The following PAX5 variants were observed in gnomAD, a reference collection of about 807,000 sequenced individuals.
PAX5 encodes paired box protein Pax-5.
A neutral mutation model predicts 43.7 loss-of-function variants in PAX5; 9 were observed. The observed-to-expected ratio is 0.21, with a 90% confidence interval of 0.12 to 0.36. PAX5 has a LOEUF of 0.36. Ranked by LOEUF, PAX5 falls within the 10% of genes least tolerant of loss-of-function variation. The pLI, the probability that PAX5 is intolerant of heterozygous loss-of-function variation, is 1.00. For missense variants in PAX5, 383 were observed against 532.7 expected (o/e 0.72, Z 2.77); for synonymous variants, 228 against 214.3 (o/e 1.06, Z -0.56).
At chr9:37,033,482 C>A (rs1841196156) in intron 1 of PAX5, among the ~76,000 whole-genome samples, 1 of 152,170 alleles carries the variant, frequency 6.6e-6, no homozygotes, top group East Asian at 1.9e-4. Flanking sequence ...GATGTACACT[C>A]AGATATTTCC....
At chr9:37,009,555 G>T (rs1588216097) in intron 3 of PAX5, among the ~76,000 whole-genome samples, 2 of 152,074 alleles carry the variant, frequency 1.3e-5, no homozygotes, top group Non-Finnish European at 2.9e-5. Context: ...GGGCGGTGGG[G>T]GAGTAAAGAT....
chr9:36,991,798 A>G (rs1178934666), intron 5 of PAX5, among the ~76,000 whole-genome samples: 1 of 147,412 alleles, frequency 6.8e-6, no homozygotes, highest in Non-Finnish European at 1.5e-5. Context: ...CTCCCTCATC[A>G]CTTTCGTCCT....
intron 7 of PAX5, among the ~76,000 whole-genome samples, chr9:36,888,994 CT>C (rs1355071399): frequency 1.3e-5 from 2 of 152,186 alleles, no homozygotes; most frequent in African/African-American, 4.8e-5. Flanking sequence ...GAGCATGGGG[CT>C]TTCTTTGATA....
chr9:36,951,116 G>A (rs1227792370), intron 6 of PAX5, among the ~76,000 whole-genome samples: 2 of 152,132 alleles, frequency 1.3e-5, no homozygotes, highest in African/African-American at 4.8e-5. Flanking sequence ...AGGGAAGTAG[G>A]GTGGTAGGGT....
At chr9:36,898,816 C>T (rs183813713) in intron 7 of PAX5, among the ~76,000 whole-genome samples, 55 of 152,178 alleles carry the variant, frequency 3.6e-4, no homozygotes, top group African/African-American at 1.2e-3. Context: ...AGGCCTGGCC[C>T]GGACATCCTG....
chr9:37,029,342 T>A (rs1444969520), intron 1 of PAX5, among the ~76,000 whole-genome samples: 1 of 152,220 alleles, frequency 6.6e-6, no homozygotes, highest in Admixed American at 6.5e-5. Flanking sequence ...CACACCCAGC[T>A]GTCCCTGACC....
At chr9:36,851,758 C>T (rs537963819) in intron 8 of PAX5, among the ~76,000 whole-genome samples, 1 of 152,284 alleles carries the variant, frequency 6.6e-6, no homozygotes, top group African/African-American at 2.4e-5. Flanking sequence ...GCAGATGGCC[C>T]ACGATGGGAT....
intron 8 of PAX5, among the ~76,000 whole-genome samples, chr9:36,874,489 A>AC (rs986465768): frequency 2.2e-4 from 33 of 150,442 alleles, no homozygotes; most frequent in Admixed American, 3.3e-4. Flanking sequence ...CTGGACTCCC[A>AC]CCCCTGGGAA....
intron 4 of PAX5, among the ~76,000 whole-genome samples, chr9:37,004,503 TG>T (rs1250398904): frequency 6.6e-6 from 1 of 152,242 alleles, no homozygotes; most frequent in African/African-American, 2.4e-5. Context: ...GGCTTCCCTT[TG>T]GAGCAGATCC....
In PAX5 at chr9:37,034,022, C is replaced by G; in HGVS notation, c.10G>C (p.Glu4Gln). 6.3e-7 allele frequency: 1 copy of G among 1,590,916 alleles called. No homozygotes were observed. The highest frequency in any genetic ancestry group is 8.6e-7 in the Non-Finnish European group (1 of 1,168,406). Residue 4 changes from glutamate (E) to glutamine (Q), a missense_variant, in exon 1 of 10, where the codon GAG (glutamate) becomes CAG (glutamine). Transcript: ENST00000358127. MDL[E>Q]KNYPTPRTSR... is the part of the protein sequence containing the mutation. The stretch of plus-strand genomic sequence containing the variant: ...GTCCGAGGAGTCGGATAATTTTTCT[C>G]TAAATCCATTTTGATTTTTCAGGAC...
At position 36,834,072 on chromosome 9, in the gene PAX5, T is replaced by C; in HGVS notation, c.*6488A>G. The stretch of plus-strand genomic sequence containing the variant: ...TCTGCATTTCTACAAATACTCAATG[T>C]CCAAGGCCACTAGAGGGTGAAAAAC... On this transcript the variant is annotated 3_prime_UTR_variant, in exon 10 of 10. Transcript: ENST00000358127. 1 of 233,238 alleles carries C rather than the reference T, an allele frequency of 4.3e-6. No homozygotes were observed. Among genetic ancestry groups the C allele is most frequent in the Non-Finnish European group, 8.5e-6 (1 of 118,002 alleles). 14.4% of individuals were successfully genotyped at this position (233,238 alleles called of 1,614,324 possible).
At chr9:36,873,626 A>G (rs1825677597) in intron 8 of PAX5, among the ~76,000 whole-genome samples, 1 of 152,180 alleles carries the variant, frequency 6.6e-6, no homozygotes, top group South Asian at 2.1e-4. Flanking sequence ...AGTGTTAAGA[A>G]CAAAGGCTGT....
At chr9:37,000,580 C>A (rs1208509903) in intron 5 of PAX5, among the ~76,000 whole-genome samples, 1 of 152,140 alleles carries the variant, frequency 6.6e-6, no homozygotes, top group Non-Finnish European at 1.5e-5. Context: ...TATCAAAACA[C>A]CGTGTCTATT....
intron 5 of PAX5, among the ~76,000 whole-genome samples, chr9:36,991,874 A>G (rs1041757377): frequency 3.3e-5 from 5 of 152,034 alleles, no homozygotes; most frequent in Non-Finnish European, 7.4e-5. Context: ...AGATCAGTTA[A>G]TTTTGCTACA....
chr9:36,855,639 C>T (rs1423178532), intron 8 of PAX5, among the ~76,000 whole-genome samples: 4 of 152,300 alleles, frequency 2.6e-5, no homozygotes, highest in East Asian at 1.9e-4. Flanking sequence ...ACACCCCAGA[C>T]GCCGCCTGGT....
chr9:36,969,821 G>C lies in PAX5; in HGVS notation c.605-3097C>G, dbSNP rs558548094. On this transcript the variant is annotated intron_variant, in intron 5 of 9. Coordinates refer to ENST00000358127, the MANE Select transcript of PAX5 (RefSeq NM_016734.3). ...CCTCTCCGGGCATTCACCCTGTCCCGCGATTCCCCTCACCACTCTCACCCC... is the reference window on the plus strand; with the variant it reads ...CCTCTCCGGGCATTCACCCTGTCCCCCGATTCCCCTCACCACTCTCACCCC... Among the ~76,000 whole-genome samples the C allele has an allele frequency of 1.9e-4, 29 of 152,316 alleles. 1 individual carries two copies. The South Asian group carries it at 5.8e-3, about 30-fold the overall frequency.
chr9:36,923,300 A>G, intron 7 of PAX5, 55 bp downstream of exon 7: 5 of 1,561,102 alleles, frequency 3.2e-6, no homozygotes, highest in Non-Finnish European at 4.3e-6. Context: ...CCCACCACAC[A>G]CTCCTATCTC....
At chr9:36,991,200 T>C (rs1836909564) in intron 5 of PAX5, among the ~76,000 whole-genome samples, 1 of 152,196 alleles carries the variant, frequency 6.6e-6, no homozygotes, top group Admixed American at 6.5e-5. Flanking sequence ...AAAGCATTTT[T>C]CCATCTTCTA....
intron 8 of PAX5, among the ~76,000 whole-genome samples, chr9:36,851,820 T>C (rs1823185750): frequency 6.6e-6 from 1 of 152,180 alleles, no homozygotes; most frequent in Admixed American, 6.5e-5. Flanking sequence ...CTCTAGCTGC[T>C]GTTGACAGAA....
Sources: allele counts gnomAD v4.1 joint callset (sites outside exome capture counted in the v4.1 genomes callset), GRCh38; gene constraint gnomAD v4.1.1; transcripts MANE v1.5; gene names NCBI Gene and HGNC (gene_info 2026-07-23, HGNC 2026-07-21).